Variants in TENM2 observed in about 807,000 individuals in gnomAD.
The protein encoded by TENM2 is teneurin-2.
In TENM2, 52 loss-of-function variants were observed where a neutral mutation model predicts 245.2. The observed-to-expected ratio is 0.21, with a 90% CI of 0.17 to 0.27. TENM2 has a LOEUF of 0.27. Among genes scored for constraint, TENM2 ranks in the 10% least tolerant of loss-of-function variants. The pLI is 1.00. For missense variants in TENM2, 3,046 were observed against 3,666.8 expected, an observed-to-expected ratio of 0.83 and a Z score of 4.37; for synonymous variants, 1,363 against 1,438.9, an observed-to-expected ratio of 0.95 and a Z score of 1.19.
intron 2 of TENM2, among the ~76,000 whole-genome samples, chr5:167,809,762 A>G (rs1766493342): frequency 1.3e-5 from 2 of 152,118 alleles, no homozygotes; most frequent in Admixed American, 6.6e-5. Flanking sequence ...TGTACCATCA[A>G]TGATTCTGAA....
intron 5 of TENM2, among the ~76,000 whole-genome samples, chr5:168,046,837 G>A (rs1197186869): frequency 2.0e-5 from 3 of 152,142 alleles, no homozygotes; most frequent in African/African-American, 7.2e-5. Context: ...GAAGAGGAGT[G>A]GAAAGGAAAA....
intron 23 of TENM2, among the ~76,000 whole-genome samples, chr5:168,221,642 A>G (rs1763679388): frequency 6.6e-6 from 1 of 152,222 alleles, no homozygotes; most frequent in African/African-American, 2.4e-5. Flanking sequence ...TCCTGGACCC[A>G]TTTTATGATC....
intron 1 of TENM2, among the ~76,000 whole-genome samples, chr5:167,296,895 G>A (rs1754977115): frequency 6.6e-6 from 1 of 152,184 alleles, no homozygotes; most frequent in Non-Finnish European, 1.5e-5. Context: ...AGGGGACAAT[G>A]ACTGTGGCCA....
chr5:167,795,262 A>C (rs1181740888), intron 2 of TENM2, among the ~76,000 whole-genome samples: 1 of 152,210 alleles, frequency 6.6e-6, no homozygotes, highest in Non-Finnish European at 1.5e-5. Context: ...TAATGTGGTC[A>C]AAATGTGCAG....
At chr5:167,371,567 G>A (rs1439517209) in intron 1 of TENM2, among the ~76,000 whole-genome samples, 1 of 151,806 alleles carries the variant, frequency 6.6e-6, no homozygotes, top group African/African-American at 2.4e-5. Flanking sequence ...ATCCATGTTT[G>A]TCAGGCTGGT....
intron 12 of TENM2, among the ~76,000 whole-genome samples, chr5:168,134,312 C>T (rs1754850289): frequency 6.6e-6 from 1 of 152,116 alleles, no homozygotes; most frequent in Non-Finnish European, 1.5e-5. Context: ...ATGTAAAGTA[C>T]TTGGCACAGT....
chr5:167,088,378 G>A, the TENM2 span, among the ~76,000 whole-genome samples: 1 of 152,134 alleles, frequency 6.6e-6, no homozygotes, highest in African/African-American at 2.4e-5. Flanking sequence ...TGTAATCCCA[G>A]CACTGTGGGA....
intron 1 of TENM2, chr5:167,307,817 A>G (rs1755768935): frequency 6.6e-6 from 1 of 152,252 alleles, no homozygotes; most frequent in African/African-American, 2.4e-5. Context: ...TTTGCTCTCC[A>G]GTATCCATAC....
chr5:168,106,291 C>G (rs1794235026), intron 9 of TENM2, among the ~76,000 whole-genome samples: 1 of 152,146 alleles, frequency 6.6e-6, no homozygotes, highest in Non-Finnish European at 1.5e-5. Context: ...CGTTAACTGG[C>G]AAATGTTCCC....
intron 2 of TENM2, among the ~76,000 whole-genome samples, chr5:167,417,282 C>G (rs1433220033): frequency 1.3e-5 from 2 of 152,170 alleles, no homozygotes; most frequent in Non-Finnish European, 2.9e-5. Flanking sequence ...CCAACACTTG[C>G]TGATTCCTTC....
chr5:167,398,381 T>TCTTC (rs1554144643), intron 2 of TENM2, among the ~76,000 whole-genome samples: 2 of 22,132 alleles, frequency 9.0e-5, no homozygotes, highest in African/African-American at 2.3e-3. Flanking sequence ...TTTCTTCCTT[T>TCTTC]CTTTCTTTCT....
the TENM2 span, among the ~76,000 whole-genome samples, chr5:167,056,556 T>A: frequency 1.4e-5 from 2 of 145,126 alleles, no homozygotes; most frequent in Non-Finnish European, 3.0e-5. Flanking sequence ...TATAAATATA[T>A]ATCTATATAA....
At chr5:168,231,148 A>T (rs1409884637) in intron 25 of TENM2, 1 of 152,242 alleles carries the variant, frequency 6.6e-6, no homozygotes, top group East Asian at 1.9e-4. Flanking sequence ...CCCTGGTGAG[A>T]ACACTATCAG....
chr5:167,155,982 T>G, the TENM2 span, among the ~76,000 whole-genome samples: 2 of 152,232 alleles, frequency 1.3e-5, no homozygotes, highest in African/African-American at 2.4e-5. Flanking sequence ...GGTACAGCTA[T>G]AGCAAAGCAT....
chr5:167,759,067 C>T (rs1348206889), intron 2 of TENM2, among the ~76,000 whole-genome samples: 3 of 150,200 alleles, frequency 2.0e-5, no homozygotes. Context: ...ATAGACTCAA[C>T]ATCTTGGGTT....
At chr5:168,203,893 T>C in intron 18 of TENM2, 61 bp downstream of exon 20, 1 of 1,496,188 alleles carries the variant, frequency 6.7e-7, no homozygotes. Flanking sequence ...ACCTTGTCTC[T>C]AGCCTCAGCA....
intron 3 of TENM2, among the ~76,000 whole-genome samples, chr5:167,896,360 G>C (rs1438573971): frequency 6.6e-6 from 1 of 152,202 alleles, no homozygotes; most frequent in African/African-American, 2.4e-5. Flanking sequence ...TAGCAGAGGG[G>C]AATGACTGGA....
chr5:167,037,574 T>C, the TENM2 span, among the ~76,000 whole-genome samples: 1 of 152,194 alleles, frequency 6.6e-6, no homozygotes, highest in Non-Finnish European at 1.5e-5. Context: ...TTCTGTTCCT[T>C]TTCTGTCTCA....
the TENM2 span, among the ~76,000 whole-genome samples, chr5:166,994,868 C>G: frequency 6.6e-6 from 1 of 152,178 alleles, no homozygotes; most frequent in Non-Finnish European, 1.5e-5. Flanking sequence ...TATCTCATGT[C>G]AGATCAAGCA....
Sources: gnomAD v4.1 joint callset for allele counts (sites outside exome capture counted in the v4.1 genomes callset) on GRCh38, gnomAD v4.1.1 for gene constraint, MANE v1.5 for transcripts, NCBI Gene and HGNC (gene_info 2026-07-23, HGNC 2026-07-21) for gene names.